Variants in CNTNAP2 observed in about 807,000 individuals in gnomAD.
CNTNAP2 encodes the protein contactin associated protein 2, also known as contactin-associated protein-like 2.
Under a neutral mutation model 155.2 loss-of-function variants are expected in CNTNAP2, and 98 were observed. That is an observed-to-expected ratio of 0.63 (90% CI 0.54 to 0.75). The LOEUF (loss-of-function observed/expected upper bound fraction) is 0.75, where lower values mean the gene tolerates loss of function less well. Ranked by LOEUF, CNTNAP2 falls within the 30% of genes least tolerant of loss-of-function variation. The probability of loss-of-function intolerance (pLI) is 0.00; values close to 1 mark genes in which losing one functional copy is unlikely to be tolerated. For synonymous variants in CNTNAP2, 651 were observed against 631.2 expected (o/e 1.03, Z -0.47); for missense variants, 1,727 against 1,688.1 (o/e 1.02, Z -0.40).
At chr7:147,286,964 G>A (rs1805192985) in intron 8 of CNTNAP2, among the ~76,000 whole-genome samples, 1 of 151,762 alleles carries the variant, frequency 6.6e-6, no homozygotes, top group Admixed American at 6.6e-5. Context: ...TCTTTTACTG[G>A]CCACTCTCTC....
chr7:147,436,361 A>G (rs980060590), intron 10 of CNTNAP2, among the ~76,000 whole-genome samples: 3 of 152,182 alleles, frequency 2.0e-5, no homozygotes, highest in Non-Finnish European at 4.4e-5. Context: ...CAGAAATTTT[A>G]AATTTCAGTT....
chr7:146,235,714 C>G (rs974111729), intron 1 of CNTNAP2, among the ~76,000 whole-genome samples: 1 of 152,006 alleles, frequency 6.6e-6, no homozygotes, highest in African/African-American at 2.4e-5. Flanking sequence ...AAACTCTCAG[C>G]CCGTTGGAAG....
chr7:147,074,837 G>T (rs187713101), intron 4 of CNTNAP2, among the ~76,000 whole-genome samples: 12 of 152,210 alleles, frequency 7.9e-5, no homozygotes, highest in Admixed American at 7.2e-4. Context: ...AAACCTTCTG[G>T]GGTGAGATTT....
intron 1 of CNTNAP2, among the ~76,000 whole-genome samples, chr7:146,293,331 T>A (rs926088638): frequency 4.6e-5 from 7 of 152,198 alleles, no homozygotes; most frequent in Non-Finnish European, 7.3e-5. Context: ...TGTTCAGTTT[T>A]AGACCTGAAA....
At chr7:148,212,948 C>T (rs1474392122) in intron 18 of CNTNAP2, among the ~76,000 whole-genome samples, 9 of 152,148 alleles carry the variant, frequency 5.9e-5, no homozygotes, top group Non-Finnish European at 8.8e-5. Context: ...AATGATGTCT[C>T]TAAAATACAG....
chr7:147,504,058 G>C (rs1420721396), intron 11 of CNTNAP2, among the ~76,000 whole-genome samples: 3 of 152,208 alleles, frequency 2.0e-5, no homozygotes, highest in Non-Finnish European at 4.4e-5. Context: ...TGTTGATTTT[G>C]TGAAATCTGT....
intron 5 of CNTNAP2, among the ~76,000 whole-genome samples, chr7:147,113,862 G>C (rs1214817133): frequency 2.0e-5 from 3 of 152,098 alleles, no homozygotes; most frequent in African/African-American, 7.2e-5. Context: ...CTAGCTTTGG[G>C]GTTTGTTTGC....
At chr7:146,945,099 A>G (rs1322570699) in intron 3 of CNTNAP2, among the ~76,000 whole-genome samples, 1 of 152,206 alleles carries the variant, frequency 6.6e-6, no homozygotes, top group Non-Finnish European at 1.5e-5. Context: ...TGACATTTGA[A>G]AAAAGCCTCT....
At chr7:148,281,213 G>A (rs73464111) in intron 21 of CNTNAP2, among the ~76,000 whole-genome samples, 22,204 of 152,196 alleles carry the variant, frequency 0.15, 2,089 homozygotes, top group African/African-American at 0.26. Context: ...CATTATTGAA[G>A]AGAATGATTA....
At chr7:147,903,103 G>T (rs1799901445) in intron 13 of CNTNAP2, among the ~76,000 whole-genome samples, 1 of 152,062 alleles carries the variant, frequency 6.6e-6, no homozygotes, top group Admixed American at 6.6e-5. Context: ...CAGTGTAGAA[G>T]TGTTCCCCTT....
chr7:146,723,607 C>A (rs1022987811), intron 1 of CNTNAP2, among the ~76,000 whole-genome samples: 1 of 152,066 alleles, frequency 6.6e-6, no homozygotes, highest in Non-Finnish European at 1.5e-5. Flanking sequence ...TAATGACTCA[C>A]CTGGGAAGAA....
chr7:146,307,387 G>T (rs994003651), intron 1 of CNTNAP2, among the ~76,000 whole-genome samples: 4 of 152,106 alleles, frequency 2.6e-5, no homozygotes, highest in Non-Finnish European at 4.4e-5. Flanking sequence ...TCAATATTGT[G>T]AAAATTGCCA....
intron 13 of CNTNAP2, among the ~76,000 whole-genome samples, chr7:147,784,620 T>C (rs1797711426): frequency 7.2e-6 from 1 of 139,368 alleles, no homozygotes; most frequent in Non-Finnish European, 1.6e-5. Context: ...AAAAGGGTCT[T>C]GGTTTTAGGA....
intron 3 of CNTNAP2, among the ~76,000 whole-genome samples, chr7:146,983,822 A>G (rs1035081130): frequency 6.6e-6 from 1 of 152,222 alleles, no homozygotes; most frequent in African/African-American, 2.4e-5. Flanking sequence ...ATATGTTTGC[A>G]ATTGACATAG....
At chr7:146,330,408 G>T (rs191557157) in intron 1 of CNTNAP2, among the ~76,000 whole-genome samples, 6 of 152,192 alleles carry the variant, frequency 3.9e-5, no homozygotes, top group Non-Finnish European at 8.8e-5. Context: ...CTTTTTTGAA[G>T]GTGGTGATAT....
chr7:147,711,825 T>C (rs1335156046), intron 13 of CNTNAP2, among the ~76,000 whole-genome samples: 1 of 152,198 alleles, frequency 6.6e-6, no homozygotes, highest in African/African-American at 2.4e-5. Context: ...CTCTCTTCTG[T>C]TGTGTGGGAC....
intron 14 of CNTNAP2, among the ~76,000 whole-genome samples, chr7:147,911,297 A>C (rs1166528715): frequency 6.6e-6 from 1 of 152,244 alleles, no homozygotes; most frequent in Non-Finnish European, 1.5e-5. Context: ...ACATAGGCAG[A>C]AATAGAGAAG....
intron 18 of CNTNAP2, among the ~76,000 whole-genome samples, chr7:148,211,556 A>G (rs1041757600): frequency 6.6e-5 from 10 of 152,166 alleles, no homozygotes; most frequent in African/African-American, 2.4e-4. Context: ...AGGTGGCAGT[A>G]TTGACATCAT....
At chr7:146,163,194 T>C (rs377051380) in intron 1 of CNTNAP2, among the ~76,000 whole-genome samples, 2 of 152,008 alleles carry the variant, frequency 1.3e-5, no homozygotes, top group Non-Finnish European at 2.9e-5. Context: ...ATTAAAGCAA[T>C]TGAATGTACA....
Sources: gnomAD v4.1 joint callset for allele counts (sites outside exome capture counted in the v4.1 genomes callset) on GRCh38, gnomAD v4.1.1 for gene constraint, MANE v1.5 for transcripts, NCBI Gene and HGNC (gene_info 2026-07-23, HGNC 2026-07-21) for gene names.